Variants in SLC25A26 observed in about 807,000 individuals in gnomAD.
SLC25A26 encodes the protein solute carrier family 25 member 26.
A neutral mutation model predicts 37.8 loss-of-function variants in SLC25A26; 36 were observed. The observed-to-expected ratio is 0.95, with a 90% confidence interval of 0.73 to 1.26. SLC25A26 has a LOEUF of 1.26. Among genes scored for constraint, SLC25A26 ranks in the 50% most tolerant of loss-of-function variants. SLC25A26 has a pLI of 0.00. For synonymous variants in SLC25A26, 129 were observed against 122.5 expected (o/e 1.05, Z -0.35); for missense variants, 390 against 331.1 (o/e 1.18, Z -1.38).
chr3:66,376,566 G>A (rs1700658598), intron 9 of SLC25A26, among the ~76,000 whole-genome samples: 1 of 152,132 alleles, frequency 6.6e-6, no homozygotes, highest in Non-Finnish European at 1.5e-5. Flanking sequence ...TTAAAATTAA[G>A]GTATGTACAA....
chr3:66,157,507 A>T (rs1287640513), intron 1 of SLC25A26, among the ~76,000 whole-genome samples: 1 of 152,264 alleles, frequency 6.6e-6, no homozygotes, highest in Non-Finnish European at 1.5e-5. Context: ...TACTATTGTT[A>T]TCCCCATTTT....
At chr3:66,142,159 G>T (rs1203976755) in intron 1 of SLC25A26, among the ~76,000 whole-genome samples, 2 of 152,102 alleles carry the variant, frequency 1.3e-5, no homozygotes, top group African/African-American at 4.8e-5. Flanking sequence ...TCCAGCCTCT[G>T]GGTGACTCCC....
intron 1 of SLC25A26, among the ~76,000 whole-genome samples, chr3:66,164,020 C>T (rs940441553): frequency 6.6e-6 from 1 of 152,024 alleles, no homozygotes; most frequent in African/African-American, 2.4e-5. Flanking sequence ...AGTTATCTGG[C>T]CCAAAATGTC....
intron 6 of SLC25A26, among the ~76,000 whole-genome samples, chr3:66,351,147 C>T (rs979214641): frequency 2.0e-5 from 3 of 152,204 alleles, no homozygotes; most frequent in South Asian, 4.2e-4. Context: ...TGGCTTAATG[C>T]CCTTGAGGAG....
intron 5 of SLC25A26, among the ~76,000 whole-genome samples, chr3:66,313,671 T>C (rs1167357861): frequency 6.6e-6 from 1 of 152,178 alleles, no homozygotes; most frequent in East Asian, 1.9e-4. Flanking sequence ...TTAATGGTAG[T>C]TTAATGGAAA....
intron 7 of SLC25A26, among the ~76,000 whole-genome samples, chr3:66,366,057 G>C (rs2076817926): frequency 6.6e-6 from 1 of 152,210 alleles, no homozygotes. Context: ...TGTTCCCCAA[G>C]GAAATAGGAG....
chr3:66,156,566 C>T (rs1022931545), intron 1 of SLC25A26, among the ~76,000 whole-genome samples: 2 of 152,124 alleles, frequency 1.3e-5, no homozygotes, highest in African/African-American at 4.8e-5. Context: ...TAAAGAAGGG[C>T]ATAAGAGTAG....
rs563460229 is a variant in SLC25A26 at position 66,176,248 on chromosome 3, A to G, written c.-354+42264A>G. Among the ~76,000 whole-genome samples the G allele has an allele frequency of 7.4e-4, 113 of 152,344 alleles. 5 individuals are homozygous for G. The South Asian group carries it at 0.015, about 20-fold the overall frequency. On this transcript the variant is annotated intron_variant, in intron 1 of 10. Coordinates refer to the SLC25A26 transcript ENST00000676754. ...TTGTTTTGAAAAGCCATCTATGCAT[A>G]TCTATAGCACAGAGTTCTTTAAGAA...
chr3:66,181,941 C>A (rs1032762024), intron 1 of SLC25A26, among the ~76,000 whole-genome samples: 1 of 152,082 alleles, frequency 6.6e-6, no homozygotes, highest in Non-Finnish European at 1.5e-5. Flanking sequence ...GGAGCGTGCC[C>A]GTGTGCCCAC....
chr3:66,243,331 G>A lies in SLC25A26; in HGVS notation c.300+19G>A, dbSNP rs782007206. The stretch of plus-strand genomic sequence containing the variant: ...AGAAGTGGTAAGTAACAAGTTTTGT[G>A]TATAAAATACTTCAGAAATGCACAT... On this transcript the variant is annotated intron_variant, in intron 3 of 9. Transcript: ENST00000354883. 8 of 1,288,546 alleles carry A rather than the reference G, an allele frequency of 6.2e-6. No individual in the cohort carries two copies. Among genetic ancestry groups the A allele is most frequent in the Admixed American group, 1.7e-5 (1 of 57,168 alleles). The allele number at this position is 1,288,546 out of a possible 1,614,324, so 79.8% of individuals were successfully genotyped here.
chr3:66,196,404 G>A (rs1169686591), intron 1 of SLC25A26, among the ~76,000 whole-genome samples: 1 of 152,278 alleles, frequency 6.6e-6, no homozygotes, highest in South Asian at 2.1e-4. Flanking sequence ...TGCATTGGGG[G>A]AGAATGCACA....
intron 5 of SLC25A26, among the ~76,000 whole-genome samples, chr3:66,308,926 A>T (rs1476227192): frequency 6.6e-6 from 1 of 152,128 alleles, no homozygotes; most frequent in Non-Finnish European, 1.5e-5. Context: ...GTGCTGCTGG[A>T]TTCGGTTTGC....
In SLC25A26 at chr3:66,204,351, G is replaced by A. The variant is rs1439472022; in HGVS notation, c.-353-16391G>A. 3.3e-3 allele frequency among the ~76,000 whole-genome samples: 473 copies of A among 145,438 alleles called. 3 individuals carry two copies. The highest frequency in any genetic ancestry group is 0.015 in the East Asian group (75 of 4,856). On this transcript the variant is annotated intron_variant, in intron 1 of 10. Coordinates refer to the SLC25A26 transcript ENST00000676754. Reference sequence around the variant, plus strand: ...TGAGGCAGGAGAATGGAGTGAACCCGGGAGGCGGAGCTTGCAGTGAGCCGA... The same window carrying A: ...TGAGGCAGGAGAATGGAGTGAACCCAGGAGGCGGAGCTTGCAGTGAGCCGA...
In SLC25A26 at chr3:66,255,071, A is replaced by G. The variant is rs541554657; in HGVS notation, c.301-6980A>G. Among the ~76,000 whole-genome samples the G allele has an allele frequency of 6.6e-5, 10 of 152,302 alleles. No individual in the cohort carries two copies. In the South Asian group the frequency reaches 2.1e-3, roughly 32 times the overall value. On this transcript the variant is annotated intron_variant, in intron 3 of 9. Transcript: ENST00000354883. ...CTCTTTTCCTCCACTCAGTACCTAA[A>G]GTGAGGCCGAAGTTCACTGGAATTT...
chr3:66,205,242 G>C (rs36138035), intron 1 of SLC25A26, among the ~76,000 whole-genome samples: 1 of 151,990 alleles, frequency 6.6e-6, no homozygotes, highest in Non-Finnish European at 1.5e-5. Flanking sequence ...AGAAAAAAGC[G>C]TGGTGGAGGC....
Position 66,243,400 on chromosome 3 carries a change from T to A in SLC25A26, c.300+88T>A, listed in dbSNP as rs925883186. ...ACATATTTATTTCATTTTTTAAAAA[T>A]TATTTTTAAATTATGAAAGTCATAA... On this transcript the variant is annotated intron_variant, in intron 3 of 9. Coordinates refer to ENST00000354883, the MANE Select transcript of SLC25A26 (RefSeq NM_001379210.1). The A allele has an allele frequency of 5.5e-5, 36 of 655,168 alleles. 1 individual carries two copies. The highest frequency in any genetic ancestry group is 8.8e-5 in the Non-Finnish European group (34 of 387,406). The allele number at this position is 655,168 out of a possible 1,614,324, so 40.6% of individuals were successfully genotyped here.
At chr3:66,335,789 T>C (rs1292755821) in intron 5 of SLC25A26, among the ~76,000 whole-genome samples, 1 of 152,168 alleles carries the variant, frequency 6.6e-6, no homozygotes, top group Non-Finnish European at 1.5e-5. Flanking sequence ...GCAGTATAAA[T>C]TGGTCCATGC....
At chr3:66,362,737 T>A (rs2076739467) in intron 6 of SLC25A26, 123 bp from the exon 7 acceptor site, 1 of 552,712 alleles carries the variant, frequency 1.8e-6, no homozygotes. Context: ...ACTTATGTCA[T>A]CAGTAAAGAA....
intron 3 of SLC25A26, among the ~76,000 whole-genome samples, chr3:66,251,870 TG>T (rs2073098147): frequency 6.6e-6 from 1 of 152,336 alleles, no homozygotes; most frequent in Admixed American, 6.5e-5. Context: ...ATTCATGACC[TG>T]GGAGAGTATA....
Sources: gnomAD v4.1 joint callset for allele counts (sites outside exome capture counted in the v4.1 genomes callset) on GRCh38, gnomAD v4.1.1 for gene constraint, MANE v1.5 for transcripts, NCBI Gene and HGNC (gene_info 2026-07-23, HGNC 2026-07-21) for gene names.